STON2: variants seen among roughly 807,000 people sequenced by gnomAD.
STON2 encodes the protein stonin 2.
Under a neutral mutation model 65.7 loss-of-function variants are expected in STON2, and 29 were observed. That is an observed-to-expected ratio of 0.44 (90% CI 0.33 to 0.60). The LOEUF (loss-of-function observed/expected upper bound fraction) is 0.60, where lower values mean the gene tolerates loss of function less well. STON2 is among the 20% of genes least tolerant of loss of function. The probability of loss-of-function intolerance (pLI) is 0.03; values close to 1 mark genes in which losing one functional copy is unlikely to be tolerated. For synonymous variants in STON2, 404 were observed against 414.2 expected, an observed-to-expected ratio of 0.98 and a Z score of 0.30; for missense variants, 1,054 against 1,118.1, an observed-to-expected ratio of 0.94 and a Z score of 0.82.
chr14:81,289,259 C>T (rs1046891902), intron 5 of STON2, among the ~76,000 whole-genome samples: 1 of 152,150 alleles, frequency 6.6e-6, no homozygotes, highest in Non-Finnish European at 1.5e-5. Context: ...AGCCACATCA[C>T]CCTTGGGTGA....
chr14:81,316,884 G>A (rs1054521671), intron 5 of STON2, among the ~76,000 whole-genome samples: 3 of 152,182 alleles, frequency 2.0e-5, no homozygotes, highest in African/African-American at 4.8e-5. Context: ...GCCGGGCATT[G>A]TGGCAGGCAC....
Position 81,277,151 on chromosome 14 carries a change from G to A in STON2, c.2331C>T (p.Leu777=), listed in dbSNP as rs1159202068. 3.1e-6 allele frequency: 5 copies of A among 1,614,120 alleles called. No individual in the cohort carries two copies. The highest frequency in any genetic ancestry group is 4.2e-6 in the Non-Finnish European group (5 of 1,180,052). ...STGFSANRDP[L]TQVPCENVMI... ...TCACATTCTCACAGGGAACCTGAGT[G>A]AGGGGGTCACGATTGGCGGAGAAGC... The change falls in exon 6 of 8, where the codon CTC becomes CTT. Residue 777 remains leucine, a synonymous_variant. Transcript: ENST00000614646.
At chr14:81,286,324 T>A (rs1433734978) in intron 5 of STON2, among the ~76,000 whole-genome samples, 1 of 152,166 alleles carries the variant, frequency 6.6e-6, no homozygotes, top group Non-Finnish European at 1.5e-5. Context: ...AAATCTTTCA[T>A]GAAAGGAAGG....
intron 5 of STON2, among the ~76,000 whole-genome samples, chr14:81,289,634 C>T (rs1438815972): frequency 6.6e-6 from 1 of 152,156 alleles, no homozygotes; most frequent in East Asian, 1.9e-4. Flanking sequence ...TGTGACATTC[C>T]TTGAAAGGGG....
chr14:81,319,906 C>T (rs1896761358), intron 5 of STON2, among the ~76,000 whole-genome samples: 1 of 152,184 alleles, frequency 6.6e-6, no homozygotes, highest in Non-Finnish European at 1.5e-5. Context: ...TAATAGACCC[C>T]ATAAGGGGAC....
chr14:81,421,301 G>A (rs1169583770), intron 2 of STON2, among the ~76,000 whole-genome samples: 4 of 152,238 alleles, frequency 2.6e-5, no homozygotes, highest in South Asian at 2.1e-4. Context: ...GCCAGAAGGA[G>A]AAAAGTAAGA....
intron 4 of STON2, among the ~76,000 whole-genome samples, chr14:81,356,403 G>A (rs1308789385): frequency 6.6e-6 from 1 of 152,086 alleles, no homozygotes; most frequent in African/African-American, 2.4e-5. Context: ...TGCTGGATTC[G>A]GTTTGCCAGT....
chr14:81,357,299 A>G (rs1352515325), intron 4 of STON2, among the ~76,000 whole-genome samples: 1 of 152,174 alleles, frequency 6.6e-6, no homozygotes, highest in Non-Finnish European at 1.5e-5. Context: ...ACATGAAAAA[A>G]TGCTCACCAT....
At chr14:81,331,119 AG>A (rs1343145981) in intron 4 of STON2, among the ~76,000 whole-genome samples, 2 of 152,226 alleles carry the variant, frequency 1.3e-5, no homozygotes, top group Non-Finnish European at 2.9e-5. Flanking sequence ...GTGCACGTGC[AG>A]TGGCATGTGT....
intron 4 of STON2, among the ~76,000 whole-genome samples, chr14:81,339,673 T>C (rs908211402): frequency 7.2e-5 from 11 of 152,186 alleles, no homozygotes; most frequent in Non-Finnish European, 2.9e-5. Context: ...GCTAAAGTTT[T>C]AGCTTTTTCA....
At chr14:81,413,752 C>T (rs1482275933) in intron 2 of STON2, among the ~76,000 whole-genome samples, 1 of 139,250 alleles carries the variant, frequency 7.2e-6, no homozygotes, top group East Asian at 2.5e-4. Context: ...GCAGAGATCA[C>T]GCCATTGCAC....
rs1488927030 is a variant in STON2, at chr14:81,398,312, A to G, written c.71T>C (p.Phe24Ser). The part of the protein sequence containing the change: ...EWVSFNEEPP[F>S]PAHSQGGTEE... ...CTCCTTACCCTGCGAGTGGGCAGGAAAGGGTGGCTCTTCATTGAAGGAGAC... is the reference window on the plus strand; with the variant it reads ...CTCCTTACCCTGCGAGTGGGCAGGAGAGGGTGGCTCTTCATTGAAGGAGAC... Residue 24 changes from phenylalanine to serine, a missense_variant, in exon 2 of 8, where the codon TTT (phenylalanine) becomes TCT (serine). Phe to Ser is a radical substitution (Grantham distance 155). Transcript: ENST00000614646. The G allele has an allele frequency of 6.2e-7, 1 of 1,613,730 alleles. No homozygotes were observed. Among genetic ancestry groups the G allele is most frequent in the Non-Finnish European group, 8.5e-7 (1 of 1,179,706 alleles).
chr14:81,289,685 G>C (rs1895479050), intron 5 of STON2, among the ~76,000 whole-genome samples: 1 of 152,224 alleles, frequency 6.6e-6, no homozygotes, highest in Non-Finnish European at 1.5e-5. Flanking sequence ...GTTGGCTCCA[G>C]GTTTTTGGCA....
At chr14:81,316,100 T>C (rs1462410517) in intron 5 of STON2, among the ~76,000 whole-genome samples, 1 of 152,230 alleles carries the variant, frequency 6.6e-6, no homozygotes, top group Non-Finnish European at 1.5e-5. Flanking sequence ...GTTGTTTAAC[T>C]ACACAAATTT....
intron 2 of STON2, among the ~76,000 whole-genome samples, chr14:81,410,833 C>T (rs897576145): frequency 6.6e-6 from 1 of 152,172 alleles, no homozygotes; most frequent in African/African-American, 2.4e-5. Flanking sequence ...TTAAAATCTT[C>T]GGAGTCTAGG....
At chr14:81,397,431 T>C (rs991986825) in intron 2 of STON2, among the ~76,000 whole-genome samples, 2 of 152,242 alleles carry the variant, frequency 1.3e-5, no homozygotes, top group African/African-American at 4.8e-5. Context: ...ATTAGCTATT[T>C]AATTTTTTTA....
intron 4 of STON2, among the ~76,000 whole-genome samples, chr14:81,325,735 T>A (rs751663718): frequency 6.6e-6 from 1 of 152,158 alleles, no homozygotes; most frequent in Non-Finnish European, 1.5e-5. Flanking sequence ...CATATCAGCA[T>A]ATAGAATTGC....
Position 81,263,320 on chromosome 14 carries a change from C to A in STON2, c.*5094G>T, listed in dbSNP as rs1894223367. 4.8e-6 allele frequency: 1 copy of A among 206,682 alleles called. No homozygotes were observed. Among genetic ancestry groups the A allele is most frequent in the Non-Finnish European group, 8.5e-6 (1 of 118,116 alleles). 12.8% of individuals were successfully genotyped at this position (206,682 alleles called of 1,614,324 possible). ...CTGGGAGGCTAAGGCGGGTGGATCA[C>A]CTGAGCTCAGAAGTTCAAGACCAGC... On this transcript the variant is annotated 3_prime_UTR_variant, in exon 8 of 8. Coordinates refer to ENST00000614646, the MANE Select transcript of STON2 (RefSeq NM_001394390.1).
At chr14:81,427,418 A>ATT (rs1902032341) in intron 1 of STON2, 1 of 152,058 alleles carries the variant, frequency 6.6e-6, no homozygotes, top group East Asian at 1.9e-4. Context: ...CCCAGACCGG[A>ATT]GTCTGATATG....
Sources: allele counts gnomAD v4.1 joint callset (sites outside exome capture counted in the v4.1 genomes callset), GRCh38; gene constraint gnomAD v4.1.1; transcripts MANE v1.5; gene names NCBI Gene and HGNC (gene_info 2026-07-23, HGNC 2026-07-21).